The following NDRG4 variants were observed in gnomAD, a reference collection of about 807,000 sequenced individuals.
NDRG4 encodes NDRG family member 4, also known as protein NDRG4.
In NDRG4, 38 loss-of-function variants were observed where a neutral mutation model predicts 55.8. That is an observed-to-expected ratio of 0.68 (90% CI 0.53 to 0.89). The LOEUF is 0.89. Among genes scored for constraint, NDRG4 ranks in the 40% least tolerant of loss-of-function variants. The pLI is 0.00. For synonymous variants in NDRG4, 190 were observed against 182.7 expected (o/e 1.04, Z -0.32); for missense variants, 455 against 468.6 (o/e 0.97, Z 0.27).
chr16:58,493,265 TTTTG>T (rs368500158), intron 2 of NDRG4, among the ~76,000 whole-genome samples: 268 of 152,228 alleles, frequency 1.8e-3, no homozygotes, highest in South Asian at 5.2e-3. Flanking sequence ...CGTGGTTTGT[TTTTG>T]TTTGTTTGTT....
In NDRG4 at chr16:58,504,359, G is replaced by A. The variant is rs749680931; in HGVS notation, c.249G>A (p.Gly83=). 6.2e-7 allele frequency: 1 copy of A among 1,613,614 alleles called. No homozygotes were observed. The highest frequency in any genetic ancestry group is 2.2e-5 in the East Asian group (1 of 44,874). Residue 83 remains glycine, a splice_region_variant and synonymous_variant, in exon 4 of 15, where the codon GGG becomes GGA. Coordinates refer to ENST00000570248, the MANE Select transcript of NDRG4 (RefSeq NM_001242835.2). ...QQVGASQFPQ[G]YQFPSMEQLA... is the part of the protein sequence containing the mutation. ...CCCTGACCTCCTGCTCTGCCTGCAG[G>A]TACCAGTTCCCCTCCATGGAGCAGC...
intron 1 of NDRG4, among the ~76,000 whole-genome samples, chr16:58,472,678 C>T (rs569320063): frequency 1.3e-5 from 2 of 152,270 alleles, no homozygotes; most frequent in South Asian, 2.1e-4. Context: ...GGACACAGGG[C>T]CATCGGCCTC....
At chr16:58,501,645 G>A (rs1190561806) in intron 1 of NDRG4, 2 of 216,532 alleles carry the variant, frequency 9.2e-6, no homozygotes, top group East Asian at 1.2e-4. Flanking sequence ...TTCGCAGCAG[G>A]GTTCAGCGAA....
intron 5 of NDRG4, among the ~76,000 whole-genome samples, chr16:58,505,189 A>G (rs2037718941): frequency 4.6e-5 from 7 of 152,018 alleles, no homozygotes. Context: ...CTCTACTAAA[A>G]ATACAAAAAA....
intron 1 of NDRG4, among the ~76,000 whole-genome samples, chr16:58,469,525 A>G (rs2032361673): frequency 1.3e-5 from 2 of 152,208 alleles, no homozygotes; most frequent in South Asian, 4.1e-4. Flanking sequence ...ATGTGTGCAA[A>G]GGTGTTTGTT....
chr16:58,486,890 T>G (rs1405663407), intron 1 of NDRG4, among the ~76,000 whole-genome samples: 1 of 152,076 alleles, frequency 6.6e-6, no homozygotes, highest in African/African-American at 2.4e-5. Context: ...AACTGAGACC[T>G]GCACCCCCTC....
chr16:58,470,907 C>CAAA (rs58487534), intron 1 of NDRG4, among the ~76,000 whole-genome samples: 4 of 133,024 alleles, frequency 3.0e-5, no homozygotes, highest in South Asian at 2.3e-4. Context: ...ACACCATCTC[C>CAAA]AAAAAAAAAA....
chr16:58,472,473 A>G lies in NDRG4; in HGVS notation c.-24+8676A>G, dbSNP rs547712535. Among the ~76,000 whole-genome samples the G allele has an allele frequency of 2.0e-5, 3 of 152,152 alleles. No homozygotes were observed. In the South Asian group the frequency reaches 6.2e-4, roughly 32 times the overall value. On this transcript the variant is annotated intron_variant, in intron 1 of 15. Coordinates refer to the NDRG4 transcript ENST00000258187. ...GCTGTCAAGCACGTAGGGCCCTCTG[A>G]CCCCGCACTGGGGCCCGGCTGCCTG...
chr16:58,485,508 A>G (rs540686419), intron 1 of NDRG4, among the ~76,000 whole-genome samples: 1 of 152,252 alleles, frequency 6.6e-6, no homozygotes, highest in South Asian at 2.1e-4. Context: ...AAGGGGTTTA[A>G]TTGAGATGGG....
intron 2 of NDRG4, chr16:58,487,915 A>G: frequency 7.9e-7 from 1 of 1,260,658 alleles, no homozygotes; most frequent in South Asian, 1.6e-5. Context: ...CAAGAGGGAG[A>G]CCGCGTGCCT....
rs753708084 is a variant in NDRG4 at position 58,509,196 on chromosome 16, CTT to C, written c.813+10_813+11del. The stretch of plus-strand genomic sequence containing the variant: ...GCTGCCCCAGGTCACACAGGTGAGA[CTT>C]TTGGCCCTCCTGCCCTTACATCTAT... On this transcript the variant is annotated splice_region_variant and intron_variant, in intron 12 of 14. Transcript: ENST00000570248. The C allele has an allele frequency of 1.1e-5, 17 of 1,613,916 alleles. No individual in the cohort carries two copies. Among genetic ancestry groups the C allele is most frequent in the Non-Finnish European group, 1.4e-5 (17 of 1,180,036 alleles).
intron 1 of NDRG4, among the ~76,000 whole-genome samples, chr16:58,481,987 G>A (rs1014470724): frequency 7.2e-5 from 11 of 152,058 alleles, no homozygotes; most frequent in Admixed American, 2.0e-4. Context: ...CTGGTGTAGC[G>A]TCGGGTAGGG....
At chr16:58,465,228 A>G (rs990005002) in intron 1 of NDRG4, 7 of 678,182 alleles carry the variant, frequency 1.0e-5, no homozygotes, top group Non-Finnish European at 1.6e-5. Flanking sequence ...AGATGAGCAC[A>G]GATTCCAGTA....
At chr16:58,494,917 AC>A in intron 2 of NDRG4, 1 of 1,598,826 alleles carries the variant, frequency 6.3e-7, no homozygotes, top group Non-Finnish European at 8.6e-7. Context: ...GGCTCCCCAG[AC>A]CAGCCAGGGC....
Position 58,511,520 on chromosome 16 carries a change from T to C in NDRG4, c.1003T>C (p.Ser335Pro). The C allele has an allele frequency of 6.2e-7, 1 of 1,612,912 alleles. No homozygotes were observed. Among genetic ancestry groups the C allele is most frequent in the Non-Finnish European group, 8.5e-7 (1 of 1,179,950 alleles). The stretch of plus-strand genomic sequence containing the variant: ...CAGCCGCCCACAGGCCTGCACCCAC[T>C]CAGAGAGCAGCGAGGGGCTGGGCCA... ...DGSRPQACTH[S>P]ESSEGLGQVN... is the part of the protein sequence containing the mutation. Residue 335 changes from serine to proline, a missense_variant, in exon 15 of 15, where the codon TCA becomes CCA. Coordinates refer to ENST00000570248, the MANE Select transcript of NDRG4 (RefSeq NM_001242835.2).
At chr16:58,505,713 C>CTTTTTTTT (rs1028370131) in intron 5 of NDRG4, among the ~76,000 whole-genome samples, 13 of 58,660 alleles carry the variant, frequency 2.2e-4, no homozygotes, top group East Asian at 5.7e-4. Flanking sequence ...GCTTCATTTT[C>CTTTTTTTT]TTTTTTTTTT....
At chr16:58,509,493 C>A in intron 13 of NDRG4, 141 bp downstream of exon 13, 1 of 855,104 alleles carries the variant, frequency 1.2e-6, no homozygotes, top group Non-Finnish European at 1.8e-6. Flanking sequence ...TTTGTGTGAC[C>A]TGGGCCCCGG....
chr16:58,464,940 C>T lies in NDRG4; in HGVS notation c.-24+1143C>T, dbSNP rs2031276417. On this transcript the variant is annotated intron_variant, in intron 1 of 15. Coordinates refer to the NDRG4 transcript ENST00000258187. This position sits in a 1 kb window ranked among gnomAD's most constrained non-coding sequence, Gnocchi z 4.8. ...GCCAAGTGGCCTGGGAAGTGGGAAG[C>T]CAGATTGGACCCTACTGACTGGGGA... is the stretch of plus-strand genomic sequence containing the variant. 3.4e-6 allele frequency: 4 copies of T among 1,173,356 alleles called. No homozygotes were observed. Among genetic ancestry groups the T allele is most frequent in the Non-Finnish European group, 4.3e-6 (4 of 933,606 alleles). 72.7% of individuals were successfully genotyped at this position (1,173,356 alleles called of 1,614,324 possible).
chr16:58,506,161 T>TGTGTGTGTGTGTGTGTGTGG (rs1468776022), intron 5 of NDRG4: 1 of 675,960 alleles, frequency 1.5e-6, no homozygotes, highest in Non-Finnish European at 2.7e-6. Flanking sequence ...TGTGTGTCTG[T>TGTGTGTGTGTGTGTGTGTGG]GTGTGTGTAG....
Sources: gnomAD v4.1 joint callset for allele counts (sites outside exome capture counted in the v4.1 genomes callset) on GRCh38, gnomAD v4.1.1 for gene constraint, Gnocchi (gnomAD v3.1) non-coding constraint, MANE v1.5 for transcripts, NCBI Gene and HGNC (gene_info 2026-07-23, HGNC 2026-07-21) for gene names.